Variants in TBC1D23 observed in about 807,000 individuals in gnomAD.
TBC1D23 encodes TBC1 domain family member 23, also known as HCV non-structural protein 4A-transactivated protein 1.
In TBC1D23, 55 loss-of-function variants were observed where a neutral mutation model predicts 91.4. That is an observed-to-expected ratio of 0.60 (90% CI 0.48 to 0.75). The LOEUF is 0.75. Ranked by LOEUF, TBC1D23 falls within the 30% of genes least tolerant of loss-of-function variation. The pLI, the probability that TBC1D23 is intolerant of heterozygous loss-of-function variation, is 0.00. For synonymous variants in TBC1D23, 289 were observed against 281.0 expected, an observed-to-expected ratio of 1.03 and a Z score of -0.28; for missense variants, 725 against 836.1, an observed-to-expected ratio of 0.87 and a Z score of 1.64.
In TBC1D23 at chr3:100,319,184, A is replaced by G. The variant is rs750331585; in HGVS notation, c.1803A>G (p.Glu601=). The change falls in exon 17 of 19, where the codon GAA becomes GAG. Residue 601 remains glutamate (E), a synonymous_variant. Coordinates refer to ENST00000394144, the MANE Select transcript of TBC1D23 (RefSeq NM_001199198.3). ...KHHFPCKEVK[E]SGHMFPSHLL... is the part of the protein sequence containing the mutation. ...ATTTTCCTTGTAAAGAAGTAAAAGAAAGTGGACACATGTTTCCCAGGTACT... is the reference window on the plus strand; with the variant it reads ...ATTTTCCTTGTAAAGAAGTAAAAGAGAGTGGACACATGTTTCCCAGGTACT... The G allele has an allele frequency of 1.2e-6, 2 of 1,607,564 alleles. No homozygotes were observed. Among genetic ancestry groups the G allele is most frequent in the Non-Finnish European group, 1.7e-6 (2 of 1,178,116 alleles).
At position 100,323,697 on chromosome 3, in the gene TBC1D23, TAAGAC is replaced by T. The variant is rs1158642170; in HGVS notation, c.*32_*36del. 3 of 1,248,528 alleles carry T rather than the reference TAAGAC, an allele frequency of 2.4e-6. No homozygotes were observed. The highest frequency in any genetic ancestry group is 3.3e-6 in the Non-Finnish European group (3 of 920,934). 77.3% of individuals were successfully genotyped at this position (1,248,528 alleles called of 1,614,324 possible). A position where few individuals can be genotyped will look rare whatever the true frequency, so the allele number is the denominator to read the frequency against. On this transcript the variant is annotated 3_prime_UTR_variant, in exon 19 of 19. Coordinates refer to ENST00000394144, the MANE Select transcript of TBC1D23 (RefSeq NM_001199198.3). The stretch of plus-strand genomic sequence containing the variant: ...AAAAGAAAATTATATAAAAAGAAAT[TAAGAC>T]AACCAAGAGAAACATGGACATATAC...
chr3:100,306,212 G>A (rs958052787), intron 12 of TBC1D23, among the ~76,000 whole-genome samples: 4 of 152,184 alleles, frequency 2.6e-5, no homozygotes, highest in Admixed American at 2.6e-4. Flanking sequence ...CGTCAGTTAA[G>A]AAAAGTTATC....
At chr3:100,269,191 C>T (rs1273399979) in intron 1 of TBC1D23, among the ~76,000 whole-genome samples, 4 of 152,118 alleles carry the variant, frequency 2.6e-5, no homozygotes, top group Non-Finnish European at 4.4e-5. Flanking sequence ...ATTAAATTTG[C>T]CTTGTGAAGC....
intron 16 of TBC1D23, 38 bp downstream of exon 16, chr3:100,316,225 C>A: frequency 7.0e-7 from 1 of 1,427,772 alleles, no homozygotes; most frequent in Non-Finnish European, 9.9e-7. Context: ...GCTTTGCTGT[C>A]ATTAGGAGTG....
At chr3:100,302,386 C>T (rs1705449148) in intron 11 of TBC1D23, 149 bp downstream of exon 11, 1 of 556,200 alleles carries the variant, frequency 1.8e-6, no homozygotes, top group African/African-American at 2.0e-5. Flanking sequence ...TTCTCATATG[C>T]TTATATGATT....
At chr3:100,271,851 T>G (rs1004639223) in intron 1 of TBC1D23, among the ~76,000 whole-genome samples, 3 of 152,200 alleles carry the variant, frequency 2.0e-5, no homozygotes, top group African/African-American at 4.8e-5. Flanking sequence ...ATTAACCTAA[T>G]GTTGGGAATT....
rs1158278121 is a variant in TBC1D23 at position 100,261,010 on chromosome 3, T to C, written c.-9T>C. Reference sequence around the variant, plus strand: ...ACTTTTCGGCAAAGTGACGTGGACGTCAACAGCAATGGCGGAAGGAGAAGA... The same window carrying C: ...ACTTTTCGGCAAAGTGACGTGGACGCCAACAGCAATGGCGGAAGGAGAAGA... On this transcript the variant is annotated 5_prime_UTR_variant, in exon 1 of 19. Coordinates refer to ENST00000394144, the MANE Select transcript of TBC1D23 (RefSeq NM_001199198.3). 10 of 1,613,568 alleles carry C rather than the reference T, an allele frequency of 6.2e-6. No homozygotes were observed. The highest frequency in any genetic ancestry group is 1.7e-5 in the Admixed American group (1 of 60,006).
At chr3:100,292,104 G>A (rs371507915) in intron 5 of TBC1D23, among the ~76,000 whole-genome samples, 17 of 152,220 alleles carry the variant, frequency 1.1e-4, no homozygotes, top group Middle Eastern at 6.8e-3. Context: ...TCATGTAGGC[G>A]TTGGAAAATT....
At chr3:100,300,200 C>T (rs1000085353) in intron 10 of TBC1D23, among the ~76,000 whole-genome samples, 2 of 152,102 alleles carry the variant, frequency 1.3e-5, no homozygotes, top group Non-Finnish European at 1.5e-5. Flanking sequence ...TCATTTAAGC[C>T]ATTCTGGGAT....
intron 1 of TBC1D23, among the ~76,000 whole-genome samples, chr3:100,269,258 A>G (rs2067582375): frequency 6.6e-6 from 1 of 152,236 alleles, no homozygotes; most frequent in Admixed American, 6.5e-5. Flanking sequence ...ATTAAAACAC[A>G]AATTCTAGAG....
At chr3:100,320,993 T>C in intron 18 of TBC1D23, 22 bp downstream of exon 18, 1 of 1,527,630 alleles carries the variant, frequency 6.5e-7, no homozygotes, top group Non-Finnish European at 8.9e-7. Context: ...CTTAAGATAA[T>C]ATTATCTGAA....
At chr3:100,281,468 T>C in intron 2 of TBC1D23, among the ~76,000 whole-genome samples, 1 of 152,202 alleles carries the variant, frequency 6.6e-6, no homozygotes, top group East Asian at 1.9e-4. Context: ...ATTAAAAAAA[T>C]TGATTGTGTA....
intron 15 of TBC1D23, among the ~76,000 whole-genome samples, chr3:100,314,393 C>T (rs1156663208): frequency 6.6e-6 from 1 of 152,036 alleles, no homozygotes; most frequent in African/African-American, 2.4e-5. Context: ...GCGTGAGCCA[C>T]TGTAACCGGC....
chr3:100,285,540 C>A (rs1270385440), intron 4 of TBC1D23, among the ~76,000 whole-genome samples: 1 of 152,124 alleles, frequency 6.6e-6, no homozygotes, highest in South Asian at 2.1e-4. Flanking sequence ...AAGCTGTGAA[C>A]GTTCATATAC....
chr3:100,266,680 T>G (rs562951198), intron 1 of TBC1D23, among the ~76,000 whole-genome samples: 19 of 152,366 alleles, frequency 1.2e-4, no homozygotes, highest in African/African-American at 4.6e-4. Flanking sequence ...TAAATGTATT[T>G]CAATTAATTC....
At chr3:100,277,859 A>G (rs1419296573) in intron 1 of TBC1D23, among the ~76,000 whole-genome samples, 1 of 152,234 alleles carries the variant, frequency 6.6e-6, no homozygotes, top group Non-Finnish European at 1.5e-5. Flanking sequence ...AACTCTCAAC[A>G]GTAGACTTGA....
chr3:100,306,487 T>G lies in TBC1D23; in HGVS notation c.1357T>G (p.Tyr453Asp). 1 of 1,612,890 alleles carries G rather than the reference T, an allele frequency of 6.2e-7. No individual in the cohort carries two copies. Among genetic ancestry groups the G allele is most frequent in the South Asian group, 1.1e-5 (1 of 91,050 alleles). ...TAATGTGGATGGACCAGAAAATGGA[T>G]ATGGCCATTGGATTGCTAGTACCTC... ...DINVDGPENG[Y>D]GHWIASTSGS... Residue 453 changes from tyrosine (Y) to aspartate (D), a missense_variant, in exon 13 of 19, where the codon TAT (tyrosine) becomes GAT (aspartate). By Grantham distance (160) the Tyr-to-Asp change is radical (BLOSUM62 -3). Coordinates refer to ENST00000394144, the MANE Select transcript of TBC1D23 (RefSeq NM_001199198.3).
At chr3:100,277,560 CT>C (rs1203864392) in intron 1 of TBC1D23, among the ~76,000 whole-genome samples, 1 of 152,082 alleles carries the variant, frequency 6.6e-6, no homozygotes, top group African/African-American at 2.4e-5. Flanking sequence ...AAAATACAAG[CT>C]TTGTTCTCTG....
chr3:100,262,747 A>G, intron 1 of TBC1D23, among the ~76,000 whole-genome samples: 1 of 147,062 alleles, frequency 6.8e-6, no homozygotes, highest in South Asian at 2.2e-4. Context: ...AAAAAAAAAC[A>G]CTAAAAAGAA....
Sources: gnomAD v4.1 joint callset for allele counts (sites outside exome capture counted in the v4.1 genomes callset) on GRCh38, gnomAD v4.1.1 for gene constraint, MANE v1.5 for transcripts, NCBI Gene and HGNC (gene_info 2026-07-23, HGNC 2026-07-21) for gene names.